Variants in FHIT observed in about 807,000 individuals in gnomAD.
FHIT encodes fragile histidine triad diadenosine triphosphatase, also known as bis(5'-adenosyl)-triphosphatase.
FHIT carries 19 observed loss-of-function variants against 17.9 expected under a neutral mutation model. The ratio of observed to expected loss-of-function variants is 1.06; its 90% CI spans 0.74 to 1.56. The LOEUF is 1.56. Among genes scored for constraint, FHIT ranks in the 40% most tolerant of loss-of-function variants. The pLI, the probability that FHIT is intolerant of heterozygous loss-of-function variation, is 0.00. For missense variants in FHIT, 248 were observed against 189.2 expected (o/e 1.31, Z -1.82); for synonymous variants, 81 against 69.7 (o/e 1.16, Z -0.81).
chr3:60,028,870 A>T (rs1407368350), intron 5 of FHIT, among the ~76,000 whole-genome samples: 2 of 152,162 alleles, frequency 1.3e-5, no homozygotes, highest in African/African-American at 4.8e-5. Context: ...ATTTTAAAAA[A>T]CGTCCTATTT....
Position 60,359,661 on chromosome 3 carries a change from CAA to C in FHIT, c.103+177197_103+177198del, listed in dbSNP as rs542999888. Reference sequence around the variant, plus strand: ...CAAGCCAAACACCACTTGTTTTCGCCAAAGAGACAGGAGCAAAAGGTTCTGGT... The same window carrying C: ...CAAGCCAAACACCACTTGTTTTCGCCAGAGACAGGAGCAAAAGGTTCTGGT... On this transcript the variant is annotated intron_variant, in intron 5 of 9. Transcript: ENST00000492590. Among the ~76,000 whole-genome samples, 930 of 152,278 alleles carry C rather than the reference CAA, an allele frequency of 6.1e-3. 2 individuals carry two copies. Among genetic ancestry groups the C allele is most frequent in the Middle Eastern group, 0.02 (6 of 294 alleles).
chr3:60,978,317 T>A (rs537509839), intron 3 of FHIT, among the ~76,000 whole-genome samples: 80 of 152,334 alleles, frequency 5.3e-4, no homozygotes, highest in Non-Finnish European at 1.0e-3. Flanking sequence ...AAATTCTGCT[T>A]CAGTTGGTGA....
At chr3:59,986,731 A>AATATATATAAATATATTTATATAAAT (rs1177602281) in intron 7 of FHIT, among the ~76,000 whole-genome samples, 4 of 6,098 alleles carry the variant, frequency 6.6e-4, no homozygotes, top group Non-Finnish European at 1.6e-3. Context: ...TATTTATATA[A>AATATATATAAATATATTTATATAAAT]ATATATACAT....
chr3:60,818,735 TC>T (rs1701821137), intron 4 of FHIT, among the ~76,000 whole-genome samples: 1 of 152,156 alleles, frequency 6.6e-6, no homozygotes, highest in Non-Finnish European at 1.5e-5. Flanking sequence ...TTTGGGAGCT[TC>T]CCCTCTCTGC....
At chr3:61,058,810 A>C (rs1028087132) in intron 2 of FHIT, among the ~76,000 whole-genome samples, 3 of 152,204 alleles carry the variant, frequency 2.0e-5, no homozygotes, top group African/African-American at 7.2e-5. Flanking sequence ...ACAACCTTAC[A>C]TGGTAGGTAC....
At chr3:61,105,740 A>T (rs1425347606) in intron 2 of FHIT, among the ~76,000 whole-genome samples, 1 of 152,098 alleles carries the variant, frequency 6.6e-6, no homozygotes, top group Non-Finnish European at 1.5e-5. Flanking sequence ...CTCACTTGGG[A>T]TCCTTCACAA....
intron 3 of FHIT, among the ~76,000 whole-genome samples, chr3:60,928,366 T>TC (rs1559838745): frequency 2.2e-5 from 2 of 89,226 alleles, no homozygotes; most frequent in African/African-American, 9.6e-5. Context: ...TGAAAGAACT[T>TC]TAAAAAAAAA....
intron 4 of FHIT, among the ~76,000 whole-genome samples, chr3:60,726,733 C>T (rs563627079): frequency 6.6e-6 from 1 of 151,992 alleles, no homozygotes; most frequent in East Asian, 1.9e-4. Flanking sequence ...TTATTTAAAC[C>T]AAGGCATATG....
chr3:61,040,196 T>C (rs2033440394), intron 3 of FHIT, among the ~76,000 whole-genome samples: 1 of 152,242 alleles, frequency 6.6e-6, no homozygotes, highest in Non-Finnish European at 1.5e-5. Context: ...TAGATTATTG[T>C]ATATGACCTA....
chr3:59,929,038 T>TGCTG (rs1705820507), intron 7 of FHIT, among the ~76,000 whole-genome samples: 1 of 121,140 alleles, frequency 8.3e-6, no homozygotes, highest in Non-Finnish European at 1.7e-5. Context: ...TAATAACAAA[T>TGCTG]GCTGGCAAGG....
chr3:61,071,352 G>A (rs1345480070), intron 2 of FHIT, among the ~76,000 whole-genome samples: 1 of 152,142 alleles, frequency 6.6e-6, no homozygotes, highest in Non-Finnish European at 1.5e-5. Context: ...TGCTTTGAAT[G>A]TTCACAATTT....
At chr3:60,284,746 C>T (rs1378401779) in intron 5 of FHIT, among the ~76,000 whole-genome samples, 1 of 151,938 alleles carries the variant, frequency 6.6e-6, no homozygotes, top group African/African-American at 2.4e-5. Flanking sequence ...GACTCAAAGT[C>T]AATATGACCC....
chr3:60,217,332 A>C (rs1285796704), intron 5 of FHIT, among the ~76,000 whole-genome samples: 1 of 152,174 alleles, frequency 6.6e-6, no homozygotes, highest in African/African-American at 2.4e-5. Flanking sequence ...AAAAGACAAA[A>C]CATGAGTCAC....
intron 5 of FHIT, among the ~76,000 whole-genome samples, chr3:60,348,131 C>T (rs1009030664): frequency 4.9e-4 from 1 of 2,028 alleles, no homozygotes; most frequent in Non-Finnish European, 1.1e-3. Context: ...AAAAAGTATA[C>T]TGAAAAAAAA....
chr3:60,371,798 T>C (rs1357428512), intron 5 of FHIT, among the ~76,000 whole-genome samples: 2 of 151,772 alleles, frequency 1.3e-5, no homozygotes, highest in Non-Finnish European at 2.9e-5. Flanking sequence ...GAGCAATGAT[T>C]GATTATTTGA....
chr3:60,828,708 T>C (rs1269233858), intron 3 of FHIT, among the ~76,000 whole-genome samples: 3 of 151,630 alleles, frequency 2.0e-5, no homozygotes, highest in African/African-American at 7.3e-5. Context: ...CAAAAACCCA[T>C]CTCTACTAAA....
intron 4 of FHIT, among the ~76,000 whole-genome samples, chr3:60,757,586 C>A (rs17680010): frequency 6.6e-6 from 1 of 152,002 alleles, no homozygotes; most frequent in East Asian, 1.9e-4. Flanking sequence ...GGTGAGGACA[C>A]TGAACTTAGC....
intron 8 of FHIT, among the ~76,000 whole-genome samples, chr3:59,869,640 C>G (rs1165552008): frequency 1.7e-5 from 2 of 119,832 alleles, no homozygotes; most frequent in Non-Finnish European, 3.5e-5. Flanking sequence ...CGCCACCACG[C>G]CCAGCTAATT....
At position 60,130,792 on chromosome 3, in the gene FHIT, TATAC is replaced by T. The variant is rs542499828; in HGVS notation, c.104-116644_104-116641del. Among the ~76,000 whole-genome samples, 235 of 102,834 alleles carry T rather than the reference TATAC, an allele frequency of 2.3e-3. 2 individuals are homozygous for T. Among genetic ancestry groups the T allele is most frequent in the African/African-American group, 3.4e-3 (113 of 33,460 alleles). The allele number at this position is 102,834 out of a possible 152,430, so 67.5% of individuals were successfully genotyped here. A position where few individuals can be genotyped will look rare whatever the true frequency, so the allele number is the denominator to read the frequency against. ...TGTGTGTGTGTGTGTGTGGTGTGTA[TATAC>T]ACACATATATATGTGTGTATGTGTG... On this transcript the variant is annotated intron_variant, in intron 5 of 9. Transcript: ENST00000492590.
Sources: gnomAD v4.1 joint callset for allele counts (sites outside exome capture counted in the v4.1 genomes callset) on GRCh38, gnomAD v4.1.1 for gene constraint, MANE v1.5 for transcripts, NCBI Gene and HGNC (gene_info 2026-07-23, HGNC 2026-07-21) for gene names.